Variants in ZNG1F observed in about 807,000 individuals in gnomAD.
ZNG1F encodes zinc-regulated GTPase metalloprotein activator 1F.
chr9:41,151,021 GAGA>G, the ZNG1F span, among the ~76,000 whole-genome samples: 2 of 143,006 alleles, frequency 1.4e-5, no homozygotes, highest in East Asian at 2.1e-4. Context: ...GACGAGCTGA[GAGA>G]AGAAGGCTTC....
At chr9:41,150,325 C>T in the ZNG1F span, among the ~76,000 whole-genome samples, 48 of 150,820 alleles carry the variant, frequency 3.2e-4, 1 homozygote, top group South Asian at 9.5e-3. Flanking sequence ...GGGTCCCACG[C>T]CCACGGAGTC....
At chr9:41,184,253 A>G in the ZNG1F span, among the ~76,000 whole-genome samples, 1 of 146,040 alleles carries the variant, frequency 6.8e-6, no homozygotes, top group Non-Finnish European at 1.5e-5. Context: ...CCTCGCTAAC[A>G]CAATGAAACC....
chr9:41,200,718 T>C, the ZNG1F span, among the ~76,000 whole-genome samples: 2 of 152,218 alleles, frequency 1.3e-5, no homozygotes, highest in Admixed American at 1.3e-4. Context: ...GACTTACGGT[T>C]CCACATGGCT....
chr9:41,137,238 A>G, the ZNG1F span, among the ~76,000 whole-genome samples: 5 of 150,510 alleles, frequency 3.3e-5, 1 homozygote, highest in East Asian at 2.0e-4. Flanking sequence ...CTTTGACCCA[A>G]TGATCATTCA....
the ZNG1F span, chr9:41,174,363 A>G: frequency 2.5e-6 from 4 of 1,607,034 alleles, no homozygotes; most frequent in East Asian, 4.5e-5. Flanking sequence ...GTGAAAATAT[A>G]TAATATTCAT....
the ZNG1F span, among the ~76,000 whole-genome samples, chr9:41,147,836 C>G: frequency 7.0e-6 from 1 of 143,658 alleles, no homozygotes; most frequent in Non-Finnish European, 1.5e-5. Context: ...CGGATGAAAG[C>G]GATCATGGCT....
the ZNG1F span, among the ~76,000 whole-genome samples, chr9:41,140,267 G>A: frequency 8.6e-6 from 1 of 116,930 alleles, no homozygotes; most frequent in East Asian, 2.6e-4. Flanking sequence ...TGTATAGCCT[G>A]TTGCTCCTAG....
At chr9:41,164,979 C>T in the ZNG1F span, 1 of 1,582,634 alleles carries the variant, frequency 6.3e-7, no homozygotes, top group Admixed American at 1.7e-5. Context: ...TCTGTAGGCA[C>T]TTAACACACA....
the ZNG1F span, among the ~76,000 whole-genome samples, chr9:41,149,792 CTT>C: frequency 6.6e-6 from 1 of 150,894 alleles, no homozygotes; most frequent in Non-Finnish European, 1.5e-5. Flanking sequence ...GTATTGTACA[CTT>C]AAAAAATTGT....
the ZNG1F span, among the ~76,000 whole-genome samples, chr9:41,184,252 C>A: frequency 6.9e-6 from 1 of 145,794 alleles, no homozygotes; most frequent in African/African-American, 2.5e-5. Flanking sequence ...CCCTCGCTAA[C>A]ACAATGAAAC....
chr9:41,140,961 T>C, the ZNG1F span, among the ~76,000 whole-genome samples: 1 of 151,758 alleles, frequency 6.6e-6, no homozygotes, highest in African/African-American at 2.4e-5. Context: ...TCCTGGGTTT[T>C]AAGCAATCCA....
chr9:41,144,387 G>GT, the ZNG1F span, among the ~76,000 whole-genome samples: 489 of 84,270 alleles, frequency 5.8e-3, 9 homozygotes, highest in African/African-American at 0.019. Context: ...AAAGAACTGA[G>GT]TTTTTTTTTT....
At chr9:41,152,450 G>C in the ZNG1F span, among the ~76,000 whole-genome samples, 4 of 145,834 alleles carry the variant, frequency 2.7e-5, no homozygotes, top group South Asian at 8.8e-4. Context: ...CAATGAGACA[G>C]AAAGTCAACA....
chr9:41,166,190 G>A, the ZNG1F span, among the ~76,000 whole-genome samples: 1 of 114,884 alleles, frequency 8.7e-6, no homozygotes, highest in Non-Finnish European at 1.8e-5. Flanking sequence ...CTGAGGTCAG[G>A]AGCTCGAGAC....
the ZNG1F span, among the ~76,000 whole-genome samples, chr9:41,169,505 T>C: frequency 6.7e-6 from 1 of 149,964 alleles, no homozygotes; most frequent in Admixed American, 6.7e-5. Flanking sequence ...AAAAATAATT[T>C]TGATACTAAT....
the ZNG1F span, among the ~76,000 whole-genome samples, chr9:41,175,086 A>G: frequency 2.1e-5 from 3 of 145,554 alleles, no homozygotes; most frequent in African/African-American, 7.8e-5. Flanking sequence ...CCAGTTAGTG[A>G]CAGGGCTGTC....
chr9:41,140,294 G>A, the ZNG1F span, among the ~76,000 whole-genome samples: 1 of 96,064 alleles, frequency 1.0e-5, no homozygotes, highest in Non-Finnish European at 2.1e-5. Flanking sequence ...AACCTGTACA[G>A]CATATATGTT....
chr9:41,169,864 G>C, the ZNG1F span, among the ~76,000 whole-genome samples: 3 of 143,570 alleles, frequency 2.1e-5, no homozygotes, highest in Non-Finnish European at 4.5e-5. Flanking sequence ...TGGGGGGTTA[G>C]AGAGAGAAAC....
the ZNG1F span, chr9:41,131,982 C>T: frequency 7.1e-6 from 4 of 565,136 alleles, no homozygotes; most frequent in Non-Finnish European, 1.2e-5. Context: ...CCATCTTTAA[C>T]TTTCCAGGTC....
Sources: allele counts gnomAD v4.1 joint callset (sites outside exome capture counted in the v4.1 genomes callset), GRCh38; gene constraint gnomAD v4.1.1; transcripts MANE v1.5; gene names NCBI Gene and HGNC (gene_info 2026-07-23, HGNC 2026-07-21).